The following CFAP52 variants were observed in gnomAD, a reference collection of about 807,000 sequenced individuals.
The protein encoded by CFAP52 is cilia and flagella associated protein 52.
A neutral mutation model predicts 70.5 loss-of-function variants in CFAP52; 57 were observed. The ratio of observed to expected loss-of-function variants is 0.81; its 90% CI spans 0.65 to 1.01. The LOEUF (loss-of-function observed/expected upper bound fraction) is 1.01. Among genes scored for constraint, CFAP52 ranks in the 50% least tolerant of loss-of-function variants. CFAP52 has a pLI of 0.00. For missense variants in CFAP52, 785 were observed against 788.5 expected (o/e 1.00, Z 0.05); for synonymous variants, 267 against 292.5 (o/e 0.91, Z 0.89).
chr17:9,587,498 C>T (rs968417827), intron 3 of CFAP52, among the ~76,000 whole-genome samples: 2 of 152,196 alleles, frequency 1.3e-5, no homozygotes, highest in African/African-American at 2.4e-5. Context: ...AGTACCTAAG[C>T]ATTCCCTTTT....
intron 13 of CFAP52, 25 bp from the exon 14 acceptor site, chr17:9,642,998 C>A: frequency 6.4e-7 from 1 of 1,567,860 alleles, no homozygotes; most frequent in South Asian, 1.2e-5. Context: ...TGCAGCAATG[C>A]CATATACGTG....
chr17:9,616,677 G>A (rs1909940621), intron 8 of CFAP52, among the ~76,000 whole-genome samples: 1 of 150,036 alleles, frequency 6.7e-6, no homozygotes. Context: ...GCCTCCTCAA[G>A]TGGGTCCCTG....
chr17:9,607,352 A>G (rs188619696), intron 6 of CFAP52, among the ~76,000 whole-genome samples: 1 of 152,240 alleles, frequency 6.6e-6, no homozygotes, highest in Non-Finnish European at 1.5e-5. Flanking sequence ...CCTCAAAAAA[A>G]CAATAGTAAT....
intron 3 of CFAP52, among the ~76,000 whole-genome samples, chr17:9,587,605 A>C (rs920247750): frequency 6.6e-6 from 1 of 152,170 alleles, no homozygotes; most frequent in African/African-American, 2.4e-5. Flanking sequence ...TTTACTTTGC[A>C]TTTCTCTAAT....
chr17:9,624,050 T>G (rs1910146690), intron 8 of CFAP52, among the ~76,000 whole-genome samples: 1 of 152,204 alleles, frequency 6.6e-6, no homozygotes, highest in Admixed American at 6.5e-5. Flanking sequence ...GAAGTCATTC[T>G]GTATTCTTAT....
chr17:9,607,886 G>A (rs906138389), intron 6 of CFAP52, among the ~76,000 whole-genome samples: 11 of 152,126 alleles, frequency 7.2e-5, no homozygotes, highest in African/African-American at 2.2e-4. Flanking sequence ...GGGGTGCATC[G>A]CGAGCAGAAC....
rs187613441 is a variant in CFAP52 at position 9,578,103 on chromosome 17, A to G, written c.70+1338A>G. Among the ~76,000 whole-genome samples, 13 of 152,318 alleles carry G rather than the reference A, an allele frequency of 8.5e-5. No homozygotes were observed. In the East Asian group the frequency reaches 2.5e-3, roughly 29 times the overall value. The stretch of plus-strand genomic sequence containing the variant: ...CGAGACTCCGTCTCAAAAAATAAAT[A>G]AATAAATAAACAAACAAACATACAT... On this transcript the variant is annotated intron_variant, in intron 1 of 13. Transcript: ENST00000352665.
rs1236976214 is a variant in CFAP52, at chr17:9,611,551, G to A, written c.855-758G>A. Reference sequence around the variant, plus strand: ...TTTTATTTTATTTTTTATTTTTAGAGACAGGGTCTTGCCATGTTGCCCAGG... The same window carrying A: ...TTTTATTTTATTTTTTATTTTTAGAAACAGGGTCTTGCCATGTTGCCCAGG... On this transcript the variant is annotated intron_variant, in intron 7 of 13. Transcript: ENST00000352665. Among the ~76,000 whole-genome samples the A allele has an allele frequency of 2.6e-5, 4 of 152,008 alleles. No homozygotes were observed. In the East Asian group the frequency reaches 5.8e-4, roughly 22 times the overall value.
chr17:9,643,787 A>C (rs1567640163), downstream of CFAP52, among the ~76,000 whole-genome samples: 1 of 152,216 alleles, frequency 6.6e-6, no homozygotes, highest in Non-Finnish European at 1.5e-5. Context: ...TCTCAAAGAA[A>C]ATGTGTGGTG....
In CFAP52 at chr17:9,598,291, G is replaced by A. The variant is rs1022520471; in HGVS notation, c.594G>A (p.Glu198=). 5.6e-6 allele frequency: 9 copies of A among 1,613,278 alleles called. No homozygotes were observed. In the Admixed American group the frequency reaches 1.3e-4, roughly 24 times the overall value. ...DLPNRKIWPT[E]CQTGQLKRIV... is the part of the protein sequence containing the mutation. ...CAAATAGAAAAATCTGGCCAACTGA[G>A]TGCCAAACAGGACAGTTGAAAAGAA... The change falls in exon 5 of 14, where the codon GAG becomes GAA. Residue 198 remains glutamate (E), a synonymous_variant. Transcript: ENST00000352665.
Position 9,631,043 on chromosome 17 carries a change from AG to A in CFAP52, c.1175-1844del, listed in dbSNP as rs1567634886. 6.3e-4 allele frequency among the ~76,000 whole-genome samples: 60 copies of A among 95,536 alleles called. 4 individuals carry two copies. Among genetic ancestry groups the A allele is most frequent in the African/African-American group, 2.7e-3 (59 of 21,574 alleles). The allele number at this position is 95,536 out of a possible 152,430, so 62.7% of individuals were successfully genotyped here. A position where few individuals can be genotyped will look rare whatever the true frequency, so the allele number is the denominator to read the frequency against. Reference sequence around the variant, plus strand: ...GAAAGAAAGAAAGAGAGAGAGAGAGAGAGAGAGAGAGAAAGAAAGAAAGAAA... The same window carrying A: ...GAAAGAAAGAAAGAGAGAGAGAGAGAAGAGAGAGAGAAAGAAAGAAAGAAA... On this transcript the variant is annotated intron_variant, in intron 9 of 13. Transcript: ENST00000352665.
chr17:9,640,243 T>C (rs1012946161), intron 12 of CFAP52, among the ~76,000 whole-genome samples: 2 of 149,482 alleles, frequency 1.3e-5, no homozygotes, highest in East Asian at 1.9e-4. Context: ...TTTTTTTTTT[T>C]CAACTTTAAG....
chr17:9,610,560 A>T (rs765323357), intron 7 of CFAP52, among the ~76,000 whole-genome samples: 16 of 150,384 alleles, frequency 1.1e-4, no homozygotes, highest in Admixed American at 2.0e-4. Context: ...TTTGAGATGG[A>T]GTCTCGCTCT....
chr17:9,629,247 A>G (rs1910354755), intron 9 of CFAP52, among the ~76,000 whole-genome samples: 1 of 152,212 alleles, frequency 6.6e-6, no homozygotes, highest in Non-Finnish European at 1.5e-5. Flanking sequence ...AATTATAGGC[A>G]GCGTGATATT....
chr17:9,603,698 G>A (rs1406310945), intron 6 of CFAP52, among the ~76,000 whole-genome samples: 1 of 152,180 alleles, frequency 6.6e-6, no homozygotes, highest in Non-Finnish European at 1.5e-5. Context: ...GCACAATATT[G>A]ATACCTAATG....
intron 3 of CFAP52, among the ~76,000 whole-genome samples, chr17:9,587,390 T>C (rs1908545286): frequency 6.6e-6 from 1 of 152,226 alleles, no homozygotes; most frequent in Non-Finnish European, 1.5e-5. Context: ...TAGCCAGTAA[T>C]GGGATTGCTG....
intron 11 of CFAP52, among the ~76,000 whole-genome samples, chr17:9,636,179 A>AAAAGAAAG (rs60584008): frequency 0.045 from 4,454 of 99,002 alleles, 193 homozygotes; most frequent in Non-Finnish European, 0.06. Context: ...TGTCTCAAAA[A>AAAAGAAAG]AAAGAAAGAA....
intron 1 of CFAP52, 152 bp from the exon 2 acceptor site, chr17:9,585,621 A>G (rs1344618008): frequency 3.1e-5 from 24 of 769,796 alleles, no homozygotes; most frequent in Middle Eastern, 3.9e-4. Context: ...CAGTGAGCCC[A>G]AGACTGCACC....
intron 6 of CFAP52, among the ~76,000 whole-genome samples, chr17:9,600,447 T>C (rs1289638516): frequency 6.6e-6 from 1 of 152,032 alleles, no homozygotes; most frequent in African/African-American, 2.4e-5. Flanking sequence ...TTCATCATGT[T>C]GGCTAGGCTA....
Sources: gnomAD v4.1 joint callset for allele counts (sites outside exome capture counted in the v4.1 genomes callset) on GRCh38, gnomAD v4.1.1 for gene constraint, MANE v1.5 for transcripts, NCBI Gene and HGNC (gene_info 2026-07-23, HGNC 2026-07-21) for gene names.